Variants in DPP10 observed in about 807,000 individuals in gnomAD.
DPP10 encodes the protein inactive dipeptidyl peptidase 10.
A neutral mutation model predicts 120.9 loss-of-function variants in DPP10; 33 were observed. That is an observed-to-expected ratio of 0.27 (90% confidence interval 0.21 to 0.37). The LOEUF is 0.37. DPP10 is among the 10% of genes least tolerant of loss of function. DPP10 has a pLI of 1.00. For synonymous variants in DPP10, 337 were observed against 326.1 expected, an observed-to-expected ratio of 1.03 and a Z score of -0.36; for missense variants, 816 against 942.8, an observed-to-expected ratio of 0.87 and a Z score of 1.76.
intron 10 of DPP10, among the ~76,000 whole-genome samples, chr2:115,749,712 A>G (rs796740455): frequency 2.0e-5 from 3 of 152,338 alleles, no homozygotes; most frequent in Non-Finnish European, 2.9e-5. Context: ...TACCATCACA[A>G]TATACTTATG....
intron 1 of DPP10, among the ~76,000 whole-genome samples, chr2:114,458,574 C>T (rs1024854742): frequency 6.6e-6 from 1 of 152,138 alleles, no homozygotes; most frequent in South Asian, 2.1e-4. Context: ...GCTTTGGAAT[C>T]GAACTGCCTC....
chr2:114,727,413 T>A (rs890525168), intron 1 of DPP10, among the ~76,000 whole-genome samples: 19 of 152,178 alleles, frequency 1.2e-4, no homozygotes, highest in Admixed American at 1.0e-3. Flanking sequence ...CAATGCTCAT[T>A]TAGTTTCTAG....
chr2:115,149,617 T>G (rs984521161), intron 1 of DPP10, among the ~76,000 whole-genome samples: 8 of 152,236 alleles, frequency 5.3e-5, no homozygotes, highest in African/African-American at 1.9e-4. Context: ...TAACAAAATG[T>G]TTCAGATTTA....
chr2:114,746,171 C>T (rs1678560091), intron 1 of DPP10, among the ~76,000 whole-genome samples: 1 of 151,450 alleles, frequency 6.6e-6, no homozygotes, highest in South Asian at 2.1e-4. Context: ...TTCCTAGTCC[C>T]TGTTTCCTTT....
chr2:115,082,441 C>G (rs535115133), intron 1 of DPP10, among the ~76,000 whole-genome samples: 1 of 152,182 alleles, frequency 6.6e-6, no homozygotes, highest in Non-Finnish European at 1.5e-5. Flanking sequence ...GCTAAAAACT[C>G]TTTGCTGGTA....
In DPP10 at chr2:114,635,724, A is replaced by G. The variant is rs181309228; in HGVS notation, c.60+192886A>G. ...ACCCTTAAAAATTGTTCAGGACTCC[A>G]AAGACTTTTTATTGATGTGAGTTAT... is the stretch of plus-strand genomic sequence containing the variant. On this transcript the variant is annotated intron_variant, in intron 1 of 25. Coordinates refer to ENST00000410059, the MANE Select transcript of DPP10 (RefSeq NM_020868.6). Among the ~76,000 whole-genome samples the G allele has an allele frequency of 1.8e-3, 279 of 152,070 alleles. 2 individuals are homozygous for G. The highest frequency in any genetic ancestry group is 3.5e-3 in the Admixed American group (54 of 15,282).
At chr2:115,300,725 C>T (rs2061088531) in intron 1 of DPP10, among the ~76,000 whole-genome samples, 1 of 151,938 alleles carries the variant, frequency 6.6e-6, no homozygotes, top group African/African-American at 2.4e-5. Context: ...TCTCATGTAC[C>T]ATTTTCTTGA....
At chr2:115,645,669 G>A (rs751428707) in intron 5 of DPP10, among the ~76,000 whole-genome samples, 1 of 152,234 alleles carries the variant, frequency 6.6e-6, no homozygotes, top group African/African-American at 2.4e-5. Context: ...GTGGATGCAC[G>A]TTTAAGTCAA....
Position 114,889,017 on chromosome 2 carries a change from C to A in DPP10, c.61-420222C>A, listed in dbSNP as rs561343412. 8.5e-5 allele frequency among the ~76,000 whole-genome samples: 13 copies of A among 152,204 alleles called. No homozygotes were observed. In the South Asian group the frequency reaches 2.7e-3, roughly 32 times the overall value. ...TGAAGGCATTAGAGTGGGCTCTAAT[C>A]CAATATGACTGGTGTCTTTACGAGA... On this transcript the variant is annotated intron_variant, in intron 1 of 25. Coordinates refer to ENST00000410059, the MANE Select transcript of DPP10 (RefSeq NM_020868.6).
intron 16 of DPP10, among the ~76,000 whole-genome samples, chr2:115,781,400 G>A (rs1446722009): frequency 1.3e-5 from 2 of 151,878 alleles, no homozygotes; most frequent in South Asian, 2.1e-4. Flanking sequence ...TTTAGGACCT[G>A]TGGAAATTGA....
intron 1 of DPP10, among the ~76,000 whole-genome samples, chr2:115,297,616 A>G (rs1275693742): frequency 6.6e-6 from 1 of 152,084 alleles, no homozygotes; most frequent in African/African-American, 2.4e-5. Context: ...TTGAAAATGC[A>G]ATGAGAAGTA....
At chr2:114,767,329 T>G (rs1184827398) in intron 1 of DPP10, among the ~76,000 whole-genome samples, 2 of 145,404 alleles carry the variant, frequency 1.4e-5, no homozygotes, top group East Asian at 4.0e-4. Flanking sequence ...AAATATATAA[T>G]ATGAAAGTGG....
In DPP10 at chr2:115,771,095, G is replaced by T. The variant is rs1681406390; in HGVS notation, c.1221+2691G>T. On this transcript the variant is annotated intron_variant, in intron 13 of 25. Transcript: ENST00000410059. ...ATTTATTTATTTATTTATTTTTTGA[G>T]ACAGAGTCTCAGTTTGTTGCCCAGG... Among the ~76,000 whole-genome samples the T allele has an allele frequency of 2.0e-5, 3 of 150,828 alleles. No individual in the cohort carries two copies. The South Asian group carries it at 6.3e-4, about 32-fold the overall frequency.
chr2:115,282,473 T>C (rs2060198521), intron 1 of DPP10, among the ~76,000 whole-genome samples: 2 of 151,938 alleles, frequency 1.3e-5, no homozygotes, highest in African/African-American at 2.4e-5. Context: ...TTTATCCCCC[T>C]TCATCTCACT....
rs757260844 is a variant in DPP10 at position 115,310,082 on chromosome 2, T to TA, written c.175+730dup. On this transcript the variant is annotated intron_variant, in intron 2 of 25. Coordinates refer to ENST00000410059, the MANE Select transcript of DPP10 (RefSeq NM_020868.6). The stretch of plus-strand genomic sequence containing the variant: ...TAAACTCCTTCAGTTGTCTTCCAGA[T>TA]ACATTTAGCAGTTGCTGCAACCCAC... Among the ~76,000 whole-genome samples the TA allele has an allele frequency of 5.9e-5, 9 of 152,212 alleles. No homozygotes were observed. In the East Asian group the frequency reaches 1.4e-3, roughly 23 times the overall value.
At chr2:115,628,639 T>G (rs190855616) in intron 5 of DPP10, among the ~76,000 whole-genome samples, 1 of 152,292 alleles carries the variant, frequency 6.6e-6, no homozygotes, top group Admixed American at 6.5e-5. Context: ...TCTAAGGTTT[T>G]CACAGTTTTG....
chr2:115,473,115 T>C (rs1452635982), intron 3 of DPP10, among the ~76,000 whole-genome samples: 1 of 152,186 alleles, frequency 6.6e-6, no homozygotes, highest in East Asian at 1.9e-4. Flanking sequence ...TATTATAACA[T>C]ATTGTATTTT....
At chr2:115,716,751 G>A (rs2092508529) in intron 7 of DPP10, among the ~76,000 whole-genome samples, 1 of 146,882 alleles carries the variant, frequency 6.8e-6, no homozygotes, top group South Asian at 2.1e-4. Context: ...ATTCATTTGT[G>A]GCCAAAGGTG....
chr2:115,317,865 A>G (rs1213906265), intron 2 of DPP10, among the ~76,000 whole-genome samples: 1 of 151,844 alleles, frequency 6.6e-6, no homozygotes, highest in Non-Finnish European at 1.5e-5. Flanking sequence ...CCGGATATTA[A>G]TCTCTTGTCA....
Sources: allele counts gnomAD v4.1 joint callset (sites outside exome capture counted in the v4.1 genomes callset), GRCh38; gene constraint gnomAD v4.1.1; transcripts MANE v1.5; gene names NCBI Gene and HGNC (gene_info 2026-07-23, HGNC 2026-07-21).